The following SRPK2 variants were observed in gnomAD, a reference collection of about 807,000 sequenced individuals.
SRPK2 encodes the protein SRSF protein kinase 2.
SRPK2 carries 21 observed loss-of-function variants against 90.8 expected under a neutral mutation model. The ratio of observed to expected loss-of-function variants is 0.23; its 90% CI spans 0.16 to 0.33. The LOEUF is 0.33. Ranked by LOEUF, SRPK2 falls within the 10% of genes least tolerant of loss-of-function variation. SRPK2 has a pLI of 1.00. For synonymous variants in SRPK2, 288 were observed against 311.1 expected (o/e 0.93, Z 0.78); for missense variants, 620 against 869.0 (o/e 0.71, Z 3.60).
chr7:105,286,171 T>A (rs2130913252), intron 2 of SRPK2, among the ~76,000 whole-genome samples: 1 of 152,328 alleles, frequency 6.6e-6, no homozygotes, highest in South Asian at 2.1e-4. Flanking sequence ...TAAGCCACTA[T>A]GTTCTATGCA....
At chr7:105,330,451 AAATCTTTATAATGGT>A in intron 2 of SRPK2, among the ~76,000 whole-genome samples, 1 of 152,286 alleles carries the variant, frequency 6.6e-6, no homozygotes, top group South Asian at 2.1e-4. Context: ...CCATAGCTAG[AAATCTTTATAATGGT>A]TGGGAAAAAA....
chr7:105,255,758 C>T (rs1209618340), intron 2 of SRPK2, among the ~76,000 whole-genome samples: 1 of 152,058 alleles, frequency 6.6e-6, no homozygotes, highest in African/African-American at 2.4e-5. Flanking sequence ...ATGGTGAAAC[C>T]CTTTCTCTAC....
intron 2 of SRPK2, among the ~76,000 whole-genome samples, chr7:105,363,801 T>TA (rs1471209452): frequency 6.6e-6 from 1 of 152,128 alleles, no homozygotes; most frequent in African/African-American, 2.4e-5. Flanking sequence ...CCATCAATGA[T>TA]AGAGTGGATT....
chr7:105,319,549 C>G (rs1229430107), intron 2 of SRPK2, among the ~76,000 whole-genome samples: 1 of 144,000 alleles, frequency 6.9e-6, no homozygotes, highest in South Asian at 2.3e-4. Context: ...ATATAAGCCC[C>G]TTTAAACACT....
chr7:105,243,745 A>C (rs1801170444), intron 2 of SRPK2, among the ~76,000 whole-genome samples: 1 of 152,200 alleles, frequency 6.6e-6, no homozygotes. Flanking sequence ...CAAGACAAAA[A>C]AAAATTTTAA....
intron 3 of SRPK2, 54 bp downstream of exon 3, chr7:105,203,574 C>T: frequency 7.1e-7 from 1 of 1,412,974 alleles, no homozygotes; most frequent in Non-Finnish European, 9.3e-7. Context: ...CAACAAATTA[C>T]TACACAGCCC....
At position 105,280,052 on chromosome 7, in the gene SRPK2, G is replaced by C. The variant is rs550137706; in HGVS notation, c.72-76267C>G. On this transcript the variant is annotated intron_variant, in intron 2 of 15. Transcript: ENST00000393651. ...AATAAGTATTTTTATAATCTTAAGAGACAGTTTTTTCATACCAGATATTAA... is the reference window on the plus strand; with the variant it reads ...AATAAGTATTTTTATAATCTTAAGACACAGTTTTTTCATACCAGATATTAA... 2.0e-5 allele frequency among the ~76,000 whole-genome samples: 3 copies of C among 152,246 alleles called. No individual in the cohort carries two copies. The South Asian group carries it at 6.2e-4, about 32-fold the overall frequency.
At chr7:105,237,294 T>A (rs1315567331) in intron 2 of SRPK2, among the ~76,000 whole-genome samples, 1 of 152,202 alleles carries the variant, frequency 6.6e-6, no homozygotes, top group Admixed American at 6.5e-5. Flanking sequence ...TGTCATAACA[T>A]CCTGCATATT....
chr7:105,346,069 T>C (rs1221624634), intron 2 of SRPK2, among the ~76,000 whole-genome samples: 1 of 152,250 alleles, frequency 6.6e-6, no homozygotes, highest in Admixed American at 6.5e-5. Flanking sequence ...TACTGCTGTC[T>C]TTTAGGGAAG....
chr7:105,128,525 G>A (rs1180893968), intron 13 of SRPK2, among the ~76,000 whole-genome samples: 1 of 152,168 alleles, frequency 6.6e-6, no homozygotes, highest in East Asian at 1.9e-4. Flanking sequence ...TCAATGGCCA[G>A]GAGAGTCCTT....
chr7:105,332,032 G>A (rs1706701185), intron 2 of SRPK2, among the ~76,000 whole-genome samples: 1 of 152,084 alleles, frequency 6.6e-6, no homozygotes, highest in African/African-American at 2.4e-5. Flanking sequence ...GATGAAGACT[G>A]GGGAAAGCCA....
intron 2 of SRPK2, among the ~76,000 whole-genome samples, chr7:105,300,555 A>T (rs1810416103): frequency 6.6e-6 from 1 of 152,224 alleles, no homozygotes; most frequent in Admixed American, 6.5e-5. Context: ...TGTCAGTATA[A>T]AATTAAAAAT....
At chr7:105,205,288 T>G (rs1796054033) in intron 2 of SRPK2, among the ~76,000 whole-genome samples, 1 of 152,142 alleles carries the variant, frequency 6.6e-6, no homozygotes, top group African/African-American at 2.4e-5. Context: ...ATAGGTCAAC[T>G]TAAAGGCAAA....
At chr7:105,190,541 T>C (rs1794149604) in intron 3 of SRPK2, among the ~76,000 whole-genome samples, 1 of 152,194 alleles carries the variant, frequency 6.6e-6, no homozygotes, top group Non-Finnish European at 1.5e-5. Flanking sequence ...GTTTTACCTA[T>C]CAAATCTATA....
At position 105,388,915 on chromosome 7, in the gene SRPK2, C is replaced by A. The variant is rs1172303736; in HGVS notation, c.-109G>T. 1 of 1,213,742 alleles carries A rather than the reference C, an allele frequency of 8.2e-7. No homozygotes were observed. The highest frequency in any genetic ancestry group is 1.0e-6 in the Non-Finnish European group (1 of 979,094). The allele number at this position is 1,213,742 out of a possible 1,614,324, so 75.2% of individuals were successfully genotyped here. A position where few individuals can be genotyped will look rare whatever the true frequency, so the allele number is the denominator to read the frequency against. On this transcript the variant is annotated 5_prime_UTR_variant, in exon 1 of 16. Coordinates refer to ENST00000393651, the MANE Select transcript of SRPK2 (RefSeq NM_182692.3). The stretch of plus-strand genomic sequence containing the variant: ...CCGCCGGCCGGGAGGAGACGAGAAC[C>A]GCGCCTGCGCCGCCGCCGCCGCCGC...
intron 2 of SRPK2, among the ~76,000 whole-genome samples, chr7:105,285,402 AAAAAAG>A (rs1188396437): frequency 5.9e-4 from 65 of 109,932 alleles, no homozygotes; most frequent in African/African-American, 1.9e-3. Context: ...AAAAAAAAAA[AAAAAAG>A]GAAAAGGAAA....
intron 2 of SRPK2, among the ~76,000 whole-genome samples, chr7:105,242,476 C>T (rs1283289362): frequency 2.0e-5 from 3 of 152,062 alleles, no homozygotes; most frequent in Admixed American, 1.3e-4. Context: ...CACCCCACTG[C>T]ACTCCAGTCT....
In SRPK2 at chr7:105,388,850, G is replaced by A; in HGVS notation, c.-44C>T. ...GGGCGGGGGGCTTCGCGACGGCGAC[G>A]CGGGCGCCGAGACGAGCTGGGCTGC... On this transcript the variant is annotated 5_prime_UTR_variant, in exon 1 of 16. Transcript: ENST00000393651. 1.5e-6 allele frequency: 2 copies of A among 1,314,808 alleles called. No individual in the cohort carries two copies. The highest frequency in any genetic ancestry group is 3.1e-5 in the East Asian group (1 of 31,804). 81.4% of individuals were successfully genotyped at this position (1,314,808 alleles called of 1,614,324 possible).
At chr7:105,215,877 G>A (rs1015747890) in intron 2 of SRPK2, among the ~76,000 whole-genome samples, 1 of 151,962 alleles carries the variant, frequency 6.6e-6, no homozygotes, top group African/African-American at 2.4e-5. Flanking sequence ...AAGTTTTTTG[G>A]GGGGGTGATA....
Sources: gnomAD v4.1 joint callset for allele counts (sites outside exome capture counted in the v4.1 genomes callset) on GRCh38, gnomAD v4.1.1 for gene constraint, MANE v1.5 for transcripts, NCBI Gene and HGNC (gene_info 2026-07-23, HGNC 2026-07-21) for gene names.